Variants in ADGRG4 observed in about 807,000 individuals in gnomAD.
The protein encoded by ADGRG4 is G protein-coupled receptor 112.
Under a neutral mutation model 126.2 loss-of-function variants are expected in ADGRG4, and 122 were observed. The observed-to-expected ratio is 0.97, with a 90% confidence interval of 0.83 to 1.12. ADGRG4 has a LOEUF of 1.12. Ranked by LOEUF, ADGRG4 falls within the 50% of genes most tolerant of loss-of-function variation. The pLI, the probability that ADGRG4 is intolerant of heterozygous loss-of-function variation, is 0.00. For missense variants in ADGRG4, 2,481 were observed against 2,251.8 expected (o/e 1.10, Z -2.06); for synonymous variants, 943 against 838.7 (o/e 1.12, Z -2.15).
intron 5 of ADGRG4, among the ~76,000 whole-genome samples, chrX:136,327,752 C>T (rs915463727): frequency 2.7e-5 from 3 of 110,407 alleles, no homozygotes; most frequent in African/African-American, 6.6e-5. Context: ...TTGTAAGACA[C>T]GTTCCTAAGG....
In ADGRG4 at chrX:136,349,939, G is replaced by A; in HGVS notation, c.6233G>A (p.Gly2078Asp). The change falls in exon 6 of 26, where the codon GGT becomes GAT. Residue 2078 changes from glycine to aspartate, a missense_variant. Transcript: ENST00000394143. ...CGAACCATTCCTACACCTACACTGG[G>A]TGGTATCACTACTGGCTTCCCAACT... ...LTRTIPTPTL[G>D]GITTGFPTSL... is the part of the protein sequence containing the mutation. 2.5e-6 allele frequency: 3 copies of A among 1,210,582 alleles called. No individual in the cohort carries two copies. The highest frequency in any genetic ancestry group is 2.2e-6 in the Non-Finnish European group (2 of 894,721).
intron 5 of ADGRG4, among the ~76,000 whole-genome samples, chrX:136,331,757 T>A (rs1178767926): frequency 1.8e-5 from 2 of 111,510 alleles, no homozygotes; most frequent in African/African-American, 3.3e-5. Flanking sequence ...TGCCCTTTTT[T>A]AAAAACTGGG....
chrX:136,350,542 G>A (rs1239169612), intron 6 of ADGRG4, 109 bp downstream of exon 6: 17 of 769,047 alleles, frequency 2.2e-5, no homozygotes, highest in Non-Finnish European at 3.0e-5. Flanking sequence ...ATGAAGAAGG[G>A]TGCAGGTGTT....
At chrX:136,303,042 C>T (rs1183468202) in intron 1 of ADGRG4, among the ~76,000 whole-genome samples, 1 of 111,794 alleles carries the variant, frequency 8.9e-6, no homozygotes, top group Non-Finnish European at 1.9e-5. Flanking sequence ...AAGCATGAGC[C>T]TGGTGCAGTG....
chrX:136,354,302 G>A (rs746685772), intron 8 of ADGRG4, among the ~76,000 whole-genome samples: 9 of 111,561 alleles, frequency 8.1e-5, no homozygotes, highest in East Asian at 2.8e-4. Flanking sequence ...TCACAGTTCC[G>A]GAGGCTGGGA....
Position 136,347,385 on chromosome X carries a change from G to C in ADGRG4, c.3679G>C (p.Val1227Leu). ...CTCTGCCAATAAGTTGACTACTTCA[G>C]TAAACAGTCACATTTCTTCATCTGC... Reference protein sequence around the residue: ...HISANKLTTSVNSHISSSATY... With the variant: ...HISANKLTTSLNSHISSSATY... The change falls in exon 6 of 26, where the codon GTA (valine) becomes CTA (leucine). Residue 1227 changes from valine to leucine, a missense_variant. By Grantham distance (32) the Val-to-Leu change is conservative. Transcript: ENST00000394143. The C allele has an allele frequency of 2.5e-6, 3 of 1,209,877 alleles. No homozygotes were observed. The highest frequency in any genetic ancestry group is 3.4e-6 in the Non-Finnish European group (3 of 894,164).
rs142341829 is a variant in ADGRG4, at chrX:136,349,205, G to A, written c.5499G>A (p.Leu1833=). Residue 1833 remains leucine, a synonymous_variant, in exon 6 of 26, where the codon TTG becomes TTA. Coordinates refer to ENST00000394143, the MANE Select transcript of ADGRG4 (RefSeq NM_153834.4). ...WTPSSATLPS[L]TSFVYSPHST... is the part of the protein sequence containing the mutation. ...CATCCAGTGCAACTCTACCCTCTTT[G>A]ACATCATTTGTTTATTCACCTCATA... The A allele has an allele frequency of 2.1e-5, 25 of 1,204,212 alleles. No individual in the cohort carries two copies. Among genetic ancestry groups the A allele is most frequent in the Non-Finnish European group, 2.4e-5 (21 of 891,197 alleles).
At chrX:136,356,214 AT>A in intron 9 of ADGRG4, 49 bp downstream of exon 9, 2 of 886,468 alleles carry the variant, frequency 2.3e-6, no homozygotes, top group Non-Finnish European at 3.2e-6. Context: ...CCTATGCCTG[AT>A]TAGATGTAAG....
intron 21 of ADGRG4, among the ~76,000 whole-genome samples, chrX:136,401,839 C>G: frequency 8.9e-6 from 1 of 112,110 alleles, no homozygotes; most frequent in Middle Eastern, 4.6e-3. Flanking sequence ...CTCTGCAGAA[C>G]CCTGGGAGAT....
intron 5 of ADGRG4, among the ~76,000 whole-genome samples, chrX:136,327,464 A>AAATAATAAT (rs201257685): frequency 0.1 from 9,822 of 97,439 alleles, 595 homozygotes; most frequent in African/African-American, 0.21. Flanking sequence ...GTGGGAAATA[A>AAATAATAAT]AATAATAATA....
intron 20 of ADGRG4, 99 bp downstream of exon 20, chrX:136,398,101 A>G (rs2075360807): frequency 1.3e-6 from 1 of 758,445 alleles, no homozygotes. Flanking sequence ...TCACAATAGG[A>G]AGAAGTCAGA....
At chrX:136,380,653 TCCTCCTCC>T (rs2075258056) in intron 15 of ADGRG4, among the ~76,000 whole-genome samples, 3 of 76,994 alleles carry the variant, frequency 3.9e-5, no homozygotes, top group African/African-American at 1.5e-4. Flanking sequence ...TTCTTCTTCC[TCCTCCTCC>T]TCCTCCTCTT....
In ADGRG4 at chrX:136,349,687, G is replaced by T. The variant is rs1189400218; in HGVS notation, c.5981G>T (p.Gly1994Val). The change falls in exon 6 of 26, where the codon GGT becomes GTT. Residue 1994 changes from glycine to valine, a missense_variant. Physicochemically the swap from Gly to Val is moderately radical, Grantham distance 109. Coordinates refer to ENST00000394143, the MANE Select transcript of ADGRG4 (RefSeq NM_153834.4). ...PGTTLPSILS[G>V]ATSGSVISKS... ...ACCACACTCCCATCAATTCTTTCTG[G>T]TGCCACTTCAGGATCTGTAATTTCA... The T allele has an allele frequency of 8.3e-7, 1 of 1,210,279 alleles. No individual in the cohort carries two copies. Among genetic ancestry groups the T allele is most frequent in the Non-Finnish European group, 1.1e-6 (1 of 894,954 alleles).
intron 5 of ADGRG4, among the ~76,000 whole-genome samples, chrX:136,332,963 C>G (rs761633692): frequency 9.0e-6 from 1 of 111,377 alleles, no homozygotes; most frequent in East Asian, 2.8e-4. Context: ...GTTGCCTGTT[C>G]ACTCTGATGG....
At chrX:136,383,934 G>C (rs772776671) in intron 15 of ADGRG4, among the ~76,000 whole-genome samples, 1 of 68,409 alleles carries the variant, frequency 1.5e-5, no homozygotes, top group Admixed American at 1.5e-4. Flanking sequence ...CTCTGTCACC[G>C]AGGTTGGAGT....
Position 136,393,518 on chromosome X carries a change from G to A in ADGRG4, c.8035-17G>A, listed in dbSNP as rs369340745. 2 of 1,187,292 alleles carry A rather than the reference G, an allele frequency of 1.7e-6. No homozygotes were observed. Among genetic ancestry groups the A allele is most frequent in the Non-Finnish European group, 2.3e-6 (2 of 874,526 alleles). On this transcript the variant is annotated splice_polypyrimidine_tract_variant and intron_variant, in intron 17 of 25. Transcript: ENST00000394143. ...ATCACAAGGCAAGATGTTTACCTCTGATTTCTTTTTTTCCAGAATTATGGT... is the reference window on the plus strand; with the variant it reads ...ATCACAAGGCAAGATGTTTACCTCTAATTTCTTTTTTTCCAGAATTATGGT...
At chrX:136,378,435 T>C (rs923179615) in intron 15 of ADGRG4, among the ~76,000 whole-genome samples, 3 of 111,402 alleles carry the variant, frequency 2.7e-5, no homozygotes, top group Non-Finnish European at 5.7e-5. Context: ...CATGTGACAA[T>C]AGAGAGTTTT....
chrX:136,396,791 C>A (rs1603300123), intron 19 of ADGRG4, among the ~76,000 whole-genome samples: 1 of 92,112 alleles, frequency 1.1e-5, no homozygotes, highest in Non-Finnish European at 2.2e-5. Context: ...ATAGTTCTGT[C>A]TTTTTTTTTT....
intron 5 of ADGRG4, among the ~76,000 whole-genome samples, chrX:136,327,358 T>G (rs1488253430): frequency 9.1e-6 from 1 of 110,153 alleles, no homozygotes; most frequent in East Asian, 2.8e-4. Flanking sequence ...ATGGCCCATG[T>G]ATGCATGTGT....
Sources: allele counts gnomAD v4.1 joint callset (sites outside exome capture counted in the v4.1 genomes callset), GRCh38; gene constraint gnomAD v4.1.1; transcripts MANE v1.5; gene names NCBI Gene and HGNC (gene_info 2026-07-23, HGNC 2026-07-21).